RBL2: variants seen among roughly 807,000 people sequenced by gnomAD.
RBL2 encodes the protein retinoblastoma-like protein 2.
RBL2 carries 56 observed loss-of-function variants against 126.0 expected under a neutral mutation model. That is an observed-to-expected ratio of 0.44 (90% CI 0.36 to 0.56). RBL2 has a LOEUF of 0.56. RBL2 is among the 20% of genes least tolerant of loss of function. The pLI, the probability that RBL2 is intolerant of heterozygous loss-of-function variation, is 0.00. For missense variants in RBL2, 1,229 were observed against 1,398.2 expected, an observed-to-expected ratio of 0.88 and a Z score of 1.93; for synonymous variants, 454 against 478.5, an observed-to-expected ratio of 0.95 and a Z score of 0.67.
At position 53,451,710 on chromosome 16, in the gene RBL2, C is replaced by T. The variant is rs560609018; in HGVS notation, c.645C>T (p.Phe215=). 81 of 1,612,308 alleles carry T rather than the reference C, an allele frequency of 5.0e-5. No individual in the cohort carries two copies. The African/African-American group carries it at 1.1e-3, about 21-fold the overall frequency. ...CTGCTTATAATCCTGCAGGTAATTT[C>T]CCCATGATTAGTGATGATTTGGTCA... is the stretch of plus-strand genomic sequence containing the variant. ...WVLFIYAKGN[F]PMISDDLVNS... is the part of the protein sequence containing the mutation. The change falls in exon 5 of 22, where the codon TTC becomes TTT. Residue 215 remains phenylalanine (F), a synonymous_variant. Coordinates refer to ENST00000262133, the MANE Select transcript of RBL2 (RefSeq NM_005611.4).
chr16:53,438,948 C>A, intron 1 of RBL2, 68 bp from the exon 2 acceptor site: 1 of 985,586 alleles, frequency 1.0e-6, no homozygotes, highest in South Asian at 2.4e-5. Flanking sequence ...TTTAAACATA[C>A]TTTTAAAAAT....
At chr16:53,435,587 G>A (rs2057950922) in intron 1 of RBL2, 1 of 1,248,860 alleles carries the variant, frequency 8.0e-7, no homozygotes. Context: ...CCCCTTCATG[G>A]GCCAATGGGA....
chr16:53,458,811 C>T (rs1011983489), intron 8 of RBL2, among the ~76,000 whole-genome samples: 1 of 152,106 alleles, frequency 6.6e-6, no homozygotes, highest in African/African-American at 2.4e-5. Context: ...TCTCGCGAGA[C>T]GTATTCACTA....
At chr16:53,453,088 AGT>A (rs2058130977) in intron 5 of RBL2, among the ~76,000 whole-genome samples, 1 of 152,168 alleles carries the variant, frequency 6.6e-6, no homozygotes, top group Non-Finnish European at 1.5e-5. Flanking sequence ...ATATCTGAAC[AGT>A]GTAATTTTTT....
chr16:53,486,927 A>T (rs528264223), intron 21 of RBL2, among the ~76,000 whole-genome samples: 11 of 152,362 alleles, frequency 7.2e-5, no homozygotes, highest in African/African-American at 2.6e-4. Flanking sequence ...AACAATCAGA[A>T]GTAAAATAAA....
At position 53,467,044 on chromosome 16, in the gene RBL2, C is replaced by T. The variant is rs757291149; in HGVS notation, c.1864-14C>T. On this transcript the variant is annotated splice_polypyrimidine_tract_variant and intron_variant, in intron 13 of 21. Coordinates refer to ENST00000262133, the MANE Select transcript of RBL2 (RefSeq NM_005611.4). ...TTTTGGATACTGGCATTCTGTGTAA[C>T]CAATTCTTCATAGGTCATGCCACCT... 2.5e-5 allele frequency: 40 copies of T among 1,600,480 alleles called. No individual in the cohort carries two copies. Among genetic ancestry groups the T allele is most frequent in the Non-Finnish European group, 2.6e-5 (30 of 1,170,142 alleles).
At chr16:53,442,109 T>C (rs2058022084) in intron 2 of RBL2, among the ~76,000 whole-genome samples, 1 of 152,052 alleles carries the variant, frequency 6.6e-6, no homozygotes, top group Non-Finnish European at 1.5e-5. Flanking sequence ...TGTGAGCTAC[T>C]GCGCCTAGCC....
At chr16:53,454,380 T>C (rs1598101060) in intron 7 of RBL2, 1 of 379,404 alleles carries the variant, frequency 2.6e-6, no homozygotes, top group Non-Finnish European at 5.1e-6. Context: ...AATTTTTGTA[T>C]TTTTAGTAGA....
intron 1 of RBL2, chr16:53,435,647 G>A (rs1266558144): frequency 1.2e-5 from 16 of 1,287,656 alleles, no homozygotes; most frequent in Non-Finnish European, 1.6e-5. Flanking sequence ...TGTGTGTGTG[G>A]CATTTAAACC....
At chr16:53,481,428 TG>T in intron 20 of RBL2, 1 of 397,550 alleles carries the variant, frequency 2.5e-6, no homozygotes, top group Non-Finnish European at 4.4e-6. Context: ...TCCTAGCATA[TG>T]GGGTTGTTGT....
At chr16:53,443,772 C>G (rs185505445) in intron 3 of RBL2, among the ~76,000 whole-genome samples, 39 of 152,072 alleles carry the variant, frequency 2.6e-4, no homozygotes, top group African/African-American at 8.7e-4. Context: ...AAAGTTTTCC[C>G]AGACTGTGAA....
chr16:53,480,345 T>G, intron 19 of RBL2: 1 of 557,172 alleles, frequency 1.8e-6, no homozygotes, highest in Admixed American at 3.3e-5. Context: ...TTGGTGTAAC[T>G]TATTAATGGA....
chr16:53,459,356 A>G, intron 8 of RBL2, 95 bp from the exon 9 acceptor site: 1 of 955,696 alleles, frequency 1.0e-6, no homozygotes, highest in South Asian at 1.5e-5. Context: ...ACTGGCTTGA[A>G]GTCCCATTTG....
chr16:53,468,815 A>G (rs1032156029), intron 14 of RBL2, among the ~76,000 whole-genome samples: 4 of 152,232 alleles, frequency 2.6e-5, no homozygotes, highest in Non-Finnish European at 5.9e-5. Context: ...GACACAGAAG[A>G]AGGAAGAAAT....
At chr16:53,461,917 A>T in intron 10 of RBL2, 67 bp downstream of exon 10, 3 of 1,339,194 alleles carry the variant, frequency 2.2e-6, no homozygotes, top group Non-Finnish European at 3.2e-6. Flanking sequence ...ATTTCTTACT[A>T]ACTAAGAAAG....
At chr16:53,472,831 T>C (rs1960573469) in intron 17 of RBL2, among the ~76,000 whole-genome samples, 1 of 152,188 alleles carries the variant, frequency 6.6e-6, no homozygotes, top group Non-Finnish European at 1.5e-5. Context: ...TTTTATAGTT[T>C]TATCTCATAG....
At position 53,444,799 on chromosome 16, in the gene RBL2, G is replaced by A. The variant is rs149538892; in HGVS notation, c.572+1941G>A. On this transcript the variant is annotated intron_variant, in intron 3 of 21. Coordinates refer to ENST00000262133, the MANE Select transcript of RBL2 (RefSeq NM_005611.4). ...GGAGTCGGAGGTTTCAGTGAGCTGC[G>A]ATCGCGCCACTGCACTCCAGCCTAG... Among the ~76,000 whole-genome samples the A allele has an allele frequency of 3.8e-3, 574 of 152,152 alleles. 5 individuals carry two copies. The highest frequency in any genetic ancestry group is 0.014 in the African/African-American group (561 of 41,512).
chr16:53,439,023 A>T lies in RBL2; in HGVS notation c.248A>T (p.Asp83Val). The change falls in exon 2 of 22, where the codon GAT becomes GTT. Residue 83 changes from aspartate to valine, a missense_variant. This residue lies in a region of RBL2 where 159 missense variants were observed against 123.9 expected (regional missense o/e 1.28). Coordinates refer to ENST00000262133, the MANE Select transcript of RBL2 (RefSeq NM_005611.4). ...MSESYTLEGN[D>V]LHWLACALYV... ...TTTTCTTTTCTTTTACAGGGAAATG[A>T]TCTTCATTGGTTAGCATGTGCCTTA... 6.4e-7 allele frequency: 1 copy of T among 1,573,512 alleles called. No homozygotes were observed. The highest frequency in any genetic ancestry group is 8.6e-7 in the Non-Finnish European group (1 of 1,163,330).
chr16:53,481,985 T>C, intron 21 of RBL2, 150 bp downstream of exon 21: 2 of 945,062 alleles, frequency 2.1e-6, no homozygotes, highest in South Asian at 1.6e-5. Flanking sequence ...AAACCCAGGG[T>C]TTGTTTTGTT....
Sources: gnomAD v4.1 joint callset for allele counts (sites outside exome capture counted in the v4.1 genomes callset) on GRCh38, gnomAD v4.1.1 for gene constraint, gnomAD v4.1.1 regional missense constraint, MANE v1.5 for transcripts, NCBI Gene and HGNC (gene_info 2026-07-23, HGNC 2026-07-21) for gene names.